The following AGPS variants were observed in gnomAD, a reference collection of about 807,000 sequenced individuals.
The protein encoded by AGPS is alkylglycerone phosphate synthase.
Under a neutral mutation model 90.7 loss-of-function variants are expected in AGPS, and 26 were observed. The ratio of observed to expected loss-of-function variants is 0.29; its 90% CI spans 0.21 to 0.40. The LOEUF is 0.40. Ranked by LOEUF, AGPS falls within the 10% of genes least tolerant of loss-of-function variation. The pLI, the probability that AGPS is intolerant of heterozygous loss-of-function variation, is 1.00. For synonymous variants in AGPS, 294 were observed against 285.3 expected (o/e 1.03, Z -0.31); for missense variants, 540 against 816.1 (o/e 0.66, Z 4.12).
At chr2:177,511,779 A>T (rs1332680483) in intron 16 of AGPS, among the ~76,000 whole-genome samples, 2 of 152,220 alleles carry the variant, frequency 1.3e-5, no homozygotes, top group Non-Finnish European at 2.9e-5. Context: ...ACTTTCAGAA[A>T]CCTTTCCCTA....
rs1687961922 is a variant in AGPS at position 177,482,099 on chromosome 2, A to G, written c.1146A>G (p.Arg382=). 1 of 1,605,902 alleles carries G rather than the reference A, an allele frequency of 6.2e-7. No individual in the cohort carries two copies. The highest frequency in any genetic ancestry group is 1.7e-5 in the Admixed American group (1 of 59,876). Residue 382 remains arginine, a synonymous_variant, in exon 11 of 20, where the codon AGA becomes AGG. Coordinates refer to ENST00000264167, the MANE Select transcript of AGPS (RefSeq NM_003659.4). ...TAACAGAAGCTACAATAAAAATCAG[A>G]CCAGTCCCTGAATACCAAAAGTATG... ...GVITEATIKI[R]PVPEYQKYGS...
chr2:177,481,204 T>A (rs548922415), intron 10 of AGPS, among the ~76,000 whole-genome samples: 2 of 152,106 alleles, frequency 1.3e-5, no homozygotes, highest in Non-Finnish European at 2.9e-5. Flanking sequence ...TTAAAAATGA[T>A]GCTCAGAAAA....
At chr2:177,498,122 A>G (rs1688461794) in intron 13 of AGPS, among the ~76,000 whole-genome samples, 1 of 151,686 alleles carries the variant, frequency 6.6e-6, no homozygotes, top group Admixed American at 6.6e-5. Flanking sequence ...GTGTTAAGCC[A>G]TCTTATAATA....
At chr2:177,515,447 T>G (rs986999966) in intron 17 of AGPS, among the ~76,000 whole-genome samples, 12 of 152,258 alleles carry the variant, frequency 7.9e-5, no homozygotes, top group Middle Eastern at 3.4e-3. Context: ...GAATGGTAAC[T>G]TAACAGATTT....
In AGPS at chr2:177,395,401, G is replaced by T. The variant is rs562058364; in HGVS notation, c.260+2352G>T. Among the ~76,000 whole-genome samples the T allele has an allele frequency of 3.9e-5, 6 of 152,302 alleles. No individual in the cohort carries two copies. In the South Asian group the frequency reaches 1.2e-3, roughly 32 times the overall value. ...TAGGTTACAGCTGGTGGGAAGCCCT[G>T]GTCTTTGGTTCGGGGTTAGACGACT... On this transcript the variant is annotated intron_variant, in intron 1 of 19. Coordinates refer to ENST00000264167, the MANE Select transcript of AGPS (RefSeq NM_003659.4).
At chr2:177,459,901 A>G (rs1687239883) in intron 8 of AGPS, among the ~76,000 whole-genome samples, 1 of 152,250 alleles carries the variant, frequency 6.6e-6, no homozygotes, top group South Asian at 2.1e-4. Flanking sequence ...AATAGCAAAG[A>G]CTTGGAACCA....
At position 177,436,774 on chromosome 2, in the gene AGPS, A is replaced by G; in HGVS notation, c.452A>G (p.Asn151Ser). The change falls in exon 4 of 20, where the codon AAT (asparagine) becomes AGT (serine). Residue 151 changes from asparagine (N) to serine (S), a missense_variant. Transcript: ENST00000264167. ...EHKTTSKASL[N>S]PSDTPPSVVN... The stretch of plus-strand genomic sequence containing the variant: ...AATTTTATTTTCTAGGCATCCTTAA[A>G]TCCTAGTGATACACCTCCTTCTGTT... The G allele has an allele frequency of 1.2e-6, 2 of 1,611,512 alleles. No individual in the cohort carries two copies. The highest frequency in any genetic ancestry group is 8.5e-7 in the Non-Finnish European group (1 of 1,178,820).
intron 8 of AGPS, among the ~76,000 whole-genome samples, chr2:177,456,203 A>G (rs1302949492): frequency 6.6e-6 from 1 of 152,176 alleles, no homozygotes; most frequent in African/African-American, 2.4e-5. Flanking sequence ...TGGTGGGTGA[A>G]TATTTGATTA....
chr2:177,436,420 G>C (rs1469608032), intron 3 of AGPS, among the ~76,000 whole-genome samples: 1 of 152,038 alleles, frequency 6.6e-6, no homozygotes, highest in Non-Finnish European at 1.5e-5. Flanking sequence ...AAAGTGCTGG[G>C]ATTACAGGCG....
At chr2:177,395,644 A>G (rs1250322652) in intron 1 of AGPS, among the ~76,000 whole-genome samples, 1 of 152,232 alleles carries the variant, frequency 6.6e-6, no homozygotes, top group Non-Finnish European at 1.5e-5. Context: ...TAAATGATAG[A>G]GGAAGAAGGA....
chr2:177,419,095 T>A (rs1163489916), intron 1 of AGPS, among the ~76,000 whole-genome samples: 1 of 151,952 alleles, frequency 6.6e-6, no homozygotes, highest in African/African-American at 2.4e-5. Flanking sequence ...CTTAATTTTA[T>A]GTATAGATGG....
intron 9 of AGPS, among the ~76,000 whole-genome samples, chr2:177,467,196 A>G (rs781465613): frequency 3.3e-5 from 5 of 152,224 alleles, no homozygotes; most frequent in Non-Finnish European, 7.3e-5. Context: ...TTTAATATAA[A>G]AAAGAGGACC....
At position 177,540,322 on chromosome 2, in the gene AGPS, C is replaced by T. The variant is rs2105748694; in HGVS notation, c.*2127C>T. 1 of 151,844 alleles carries T rather than the reference C, an allele frequency of 6.6e-6. No individual in the cohort carries two copies. The highest frequency in any genetic ancestry group is 2.1e-4 in the South Asian group (1 of 4,812). 9.4% of individuals were successfully genotyped at this position (151,844 alleles called of 1,614,324 possible). ...GATTTATGTCTTTGTTTTTCTTTTT[C>T]CAAGTATATGCAGGACTCCCCAACC... is the stretch of plus-strand genomic sequence containing the variant. On this transcript the variant is annotated 3_prime_UTR_variant, in exon 20 of 20. Transcript: ENST00000264167.
chr2:177,530,682 A>G (rs964087717), intron 19 of AGPS, among the ~76,000 whole-genome samples: 10 of 152,180 alleles, frequency 6.6e-5, no homozygotes, highest in African/African-American at 9.7e-5. Context: ...TGCTTTCACT[A>G]TCTGGCAACA....
intron 1 of AGPS, among the ~76,000 whole-genome samples, chr2:177,412,403 G>C (rs758265164): frequency 9.2e-5 from 14 of 152,132 alleles, no homozygotes; most frequent in Non-Finnish European, 1.3e-4. Context: ...GCTTCCCCAG[G>C]AAAATTGAAA....
chr2:177,432,318 A>G (rs1686267240), intron 2 of AGPS, among the ~76,000 whole-genome samples: 1 of 152,246 alleles, frequency 6.6e-6, no homozygotes, highest in South Asian at 2.1e-4. Context: ...TTCTCAAACT[A>G]ATCTTCAGTC....
At chr2:177,534,586 T>G (rs1176964013) in intron 19 of AGPS, among the ~76,000 whole-genome samples, 3 of 120,334 alleles carry the variant, frequency 2.5e-5, no homozygotes, top group Non-Finnish European at 4.9e-5. Flanking sequence ...TTTTCTTTTT[T>G]GTTTCTTTTT....
At chr2:177,527,829 T>C (rs2079103569) in intron 19 of AGPS, among the ~76,000 whole-genome samples, 1 of 152,162 alleles carries the variant, frequency 6.6e-6, no homozygotes, top group Admixed American at 6.5e-5. Context: ...TATTTAGAGG[T>C]TTTGCCTCAT....
intron 10 of AGPS, among the ~76,000 whole-genome samples, chr2:177,477,048 A>T (rs1369122839): frequency 1.3e-5 from 2 of 151,922 alleles, no homozygotes; most frequent in Non-Finnish European, 2.9e-5. Context: ...TAAAGTGTAG[A>T]TTCTGTAGAT....
Sources: allele counts gnomAD v4.1 joint callset (sites outside exome capture counted in the v4.1 genomes callset), GRCh38; gene constraint gnomAD v4.1.1; transcripts MANE v1.5; gene names NCBI Gene and HGNC (gene_info 2026-07-23, HGNC 2026-07-21).